TRAF2: variants seen among roughly 807,000 people sequenced by gnomAD.
TRAF2 encodes the protein TNF receptor-associated factor 2.
Under a neutral mutation model 55.6 loss-of-function variants are expected in TRAF2, and 6 were observed. The ratio of observed to expected loss-of-function variants is 0.11; its 90% CI spans 0.06 to 0.21. TRAF2 has a LOEUF of 0.21. TRAF2 is among the 10% of genes least tolerant of loss of function. TRAF2 has a pLI of 1.00. For synonymous variants in TRAF2, 329 were observed against 276.3 expected, an observed-to-expected ratio of 1.19 and a Z score of -1.89; for missense variants, 561 against 684.5, an observed-to-expected ratio of 0.82 and a Z score of 2.01.
intron 1 of TRAF2, among the ~76,000 whole-genome samples, chr9:136,892,486 A>G (rs1849600290): frequency 6.6e-6 from 1 of 151,670 alleles, no homozygotes. Flanking sequence ...AAATAAAAAG[A>G]ATGTGGCTTA....
intron 10 of TRAF2, among the ~76,000 whole-genome samples, chr9:136,925,158 A>C (rs1478389530): frequency 1.3e-5 from 2 of 152,152 alleles, no homozygotes; most frequent in African/African-American, 4.8e-5. Flanking sequence ...CCCACCCCCT[A>C]TAGCTAGTGG....
intron 1 of TRAF2, among the ~76,000 whole-genome samples, chr9:136,892,725 C>A (rs1464349545): frequency 6.6e-6 from 1 of 151,376 alleles, no homozygotes; most frequent in Non-Finnish European, 1.5e-5. Context: ...ACTAAAAATA[C>A]AAAAATTAGC....
chr9:136,899,262 G>T (rs1468521147), intron 2 of TRAF2, among the ~76,000 whole-genome samples: 1 of 152,160 alleles, frequency 6.6e-6, no homozygotes, highest in African/African-American at 2.4e-5. Context: ...TAAGACAGCC[G>T]CCTTCCTTGC....
intron 4 of TRAF2, among the ~76,000 whole-genome samples, chr9:136,904,373 T>C (rs1429106618): frequency 6.6e-6 from 1 of 151,906 alleles, no homozygotes; most frequent in Non-Finnish European, 1.5e-5. Context: ...CCCGGCCATT[T>C]TACTATGTTT....
intron 6 of TRAF2, among the ~76,000 whole-genome samples, chr9:136,914,031 C>T (rs567874614): frequency 1.6e-4 from 25 of 152,316 alleles, no homozygotes; most frequent in African/African-American, 5.3e-4. Context: ...TTGGCAGTGA[C>T]GGACACCTCG....
intron 1 of TRAF2, among the ~76,000 whole-genome samples, chr9:136,896,417 G>A (rs1354544615): frequency 6.6e-6 from 1 of 152,218 alleles, no homozygotes; most frequent in African/African-American, 2.4e-5. Flanking sequence ...GCATGGGTCT[G>A]CCTTTCTCAT....
At chr9:136,914,187 T>C (rs4880160) in intron 6 of TRAF2, among the ~76,000 whole-genome samples, 120,161 of 152,128 alleles carry the variant, frequency 0.79, 48,036 homozygotes, top group African/African-American at 0.91. Flanking sequence ...GAAATTGAGG[T>C]TTACAGAGGC....
chr9:136,916,369 G>A (rs548461369), intron 6 of TRAF2, among the ~76,000 whole-genome samples, 172 bp from the exon 7 acceptor site: 5 of 152,206 alleles, frequency 3.3e-5, no homozygotes. Context: ...GTGTGCACAG[G>A]TGTGTGAGCG....
chr9:136,904,717 G>A (rs1849905837), intron 4 of TRAF2, among the ~76,000 whole-genome samples: 1 of 152,020 alleles, frequency 6.6e-6, no homozygotes, highest in Admixed American at 6.5e-5. Flanking sequence ...CTAAAGAACA[G>A]TCTTTTAATT....
intron 4 of TRAF2, among the ~76,000 whole-genome samples, chr9:136,907,456 C>T (rs931906325): frequency 2.0e-5 from 3 of 152,254 alleles, no homozygotes; most frequent in South Asian, 2.1e-4. Flanking sequence ...CTCGCAGCTT[C>T]GGCCCTTTCA....
At chr9:136,887,526 G>A (rs550980730) in intron 1 of TRAF2, among the ~76,000 whole-genome samples, 26 of 152,290 alleles carry the variant, frequency 1.7e-4, no homozygotes, top group Middle Eastern at 6.8e-3. Context: ...GGGGTGTCTG[G>A]CAGCCGGTGA....
chr9:136,902,683 T>A lies in TRAF2; in HGVS notation c.366+2163T>A, dbSNP rs1358944319. On this transcript the variant is annotated intron_variant, in intron 4 of 10. Coordinates refer to ENST00000247668, the MANE Select transcript of TRAF2 (RefSeq NM_021138.4). ...AATAACTTGGCTGTGGCCTTTGATT[T>A]TGTTGATAAAACCTCTCACTGGCTG... Among the ~76,000 whole-genome samples the A allele has an allele frequency of 2.6e-5, 4 of 152,296 alleles. No individual in the cohort carries two copies. The East Asian group carries it at 7.7e-4, about 29-fold the overall frequency.
intron 1 of TRAF2, among the ~76,000 whole-genome samples, chr9:136,892,913 A>G (rs1278779988): frequency 6.6e-6 from 1 of 152,216 alleles, no homozygotes; most frequent in African/African-American, 2.4e-5. Flanking sequence ...GGCTCATGAA[A>G]TCAATGTAAT....
intron 1 of TRAF2, among the ~76,000 whole-genome samples, chr9:136,889,996 T>C: frequency 1.0e-5 from 1 of 95,818 alleles, no homozygotes; most frequent in African/African-American, 4.3e-5. Context: ...TGTGTGAGAG[T>C]CCCCACCGCA....
intron 4 of TRAF2, chr9:136,900,722 C>T (rs994435427): frequency 1.1e-5 from 7 of 625,824 alleles, no homozygotes; most frequent in African/African-American, 1.1e-4. Flanking sequence ...CAGACCTGCA[C>T]CATGGAGCTT....
chr9:136,925,077 A>T (rs903526077), intron 10 of TRAF2, among the ~76,000 whole-genome samples: 1 of 152,232 alleles, frequency 6.6e-6, no homozygotes, highest in African/African-American at 2.4e-5. Context: ...GGAATTGAAG[A>T]TGCAGAGACT....
chr9:136,910,755 C>T (rs1227064743), intron 6 of TRAF2, among the ~76,000 whole-genome samples: 1 of 152,220 alleles, frequency 6.6e-6, no homozygotes, highest in Non-Finnish European at 1.5e-5. Context: ...GCCTGTCTTT[C>T]TGATTTGCTT....
chr9:136,916,213 A>G (rs1182784703), intron 6 of TRAF2, among the ~76,000 whole-genome samples: 1 of 152,146 alleles, frequency 6.6e-6, no homozygotes, highest in Non-Finnish European at 1.5e-5. Context: ...TTTTGAACCC[A>G]GGCCCTGAGG....
chr9:136,907,860 G>A (rs1323803674), intron 4 of TRAF2, among the ~76,000 whole-genome samples: 2 of 151,930 alleles, frequency 1.3e-5, no homozygotes, highest in Non-Finnish European at 2.9e-5. Flanking sequence ...TCAGTGTGCG[G>A]TGAAGAGAGT....
Sources: allele counts gnomAD v4.1 joint callset (sites outside exome capture counted in the v4.1 genomes callset), GRCh38; gene constraint gnomAD v4.1.1; transcripts MANE v1.5; gene names NCBI Gene and HGNC (gene_info 2026-07-23, HGNC 2026-07-21).